NPR3: variants seen among roughly 807,000 people sequenced by gnomAD.
NPR3 encodes atrial natriuretic peptide receptor 3.
In NPR3, 34 loss-of-function variants were observed where a neutral mutation model predicts 54.5. That is an observed-to-expected ratio of 0.62 (90% CI 0.47 to 0.83). The LOEUF is 0.83. Ranked by LOEUF, NPR3 falls within the 40% of genes least tolerant of loss-of-function variation. The pLI is 0.00. For missense variants in NPR3, 674 were observed against 720.8 expected, an observed-to-expected ratio of 0.94 and a Z score of 0.74; for synonymous variants, 289 against 297.1, an observed-to-expected ratio of 0.97 and a Z score of 0.28.
intron 1 of NPR3, among the ~76,000 whole-genome samples, chr5:32,723,581 T>C (rs778002895): frequency 3.9e-5 from 6 of 152,210 alleles, no homozygotes; most frequent in Non-Finnish European, 7.3e-5. Flanking sequence ...TAAGTTTGCT[T>C]TTTCAGGACA....
intron 1 of NPR3, among the ~76,000 whole-genome samples, chr5:32,718,334 G>C (rs1341941864): frequency 6.6e-6 from 1 of 152,072 alleles, no homozygotes; most frequent in African/African-American, 2.4e-5. Flanking sequence ...CTCTTTTTTG[G>C]TTCCATATGA....
chr5:32,743,987 ATTT>A (rs199604802), intron 3 of NPR3, among the ~76,000 whole-genome samples: 7 of 113,826 alleles, frequency 6.1e-5, no homozygotes, highest in African/African-American at 2.1e-4. Flanking sequence ...ATTCTGATGC[ATTT>A]TTTTTTTTTT....
At chr5:32,742,026 G>C (rs1740063257) in intron 3 of NPR3, among the ~76,000 whole-genome samples, 1 of 151,880 alleles carries the variant, frequency 6.6e-6, no homozygotes, top group African/African-American at 2.4e-5. Context: ...GCAGAGACTA[G>C]TCTTTGATCT....
chr5:32,723,090 A>G (rs1202093955), intron 1 of NPR3, among the ~76,000 whole-genome samples: 1 of 152,220 alleles, frequency 6.6e-6, no homozygotes, highest in Non-Finnish European at 1.5e-5. Flanking sequence ...CCGCTTTGGC[A>G]TAGCCTGAAG....
chr5:32,745,163 A>G (rs1456640009), intron 3 of NPR3, among the ~76,000 whole-genome samples: 1 of 152,134 alleles, frequency 6.6e-6, no homozygotes, highest in Non-Finnish European at 1.5e-5. Flanking sequence ...CACAAAGCGA[A>G]GTATTCAGTT....
At chr5:32,783,104 G>T in intron 6 of NPR3, 76 bp downstream of exon 6, 1 of 1,385,118 alleles carries the variant, frequency 7.2e-7, no homozygotes, top group Non-Finnish European at 9.9e-7. Flanking sequence ...AAACCCAAGT[G>T]TTTCTAGGGC....
upstream of NPR3, chr5:32,710,850 C>A: frequency 2.5e-6 from 3 of 1,206,580 alleles, no homozygotes; most frequent in Admixed American, 3.7e-5. Flanking sequence ...TCCCTTTCCC[C>A]CAGTCCTGGT....
chr5:32,727,374 T>G (rs959700117), intron 2 of NPR3, among the ~76,000 whole-genome samples: 2 of 152,218 alleles, frequency 1.3e-5, no homozygotes, highest in Non-Finnish European at 2.9e-5. Flanking sequence ...GTGATCTGCC[T>G]GCCTCAGCCT....
At chr5:32,759,059 G>T (rs1741006591) in intron 3 of NPR3, among the ~76,000 whole-genome samples, 1 of 152,192 alleles carries the variant, frequency 6.6e-6, no homozygotes, top group African/African-American at 2.4e-5. Flanking sequence ...GTGGTGTGGT[G>T]CTGAGAAGAA....
chr5:32,709,772 C>T (rs1438684380), upstream of NPR3: 2 of 152,102 alleles, frequency 1.3e-5, no homozygotes, highest in African/African-American at 4.8e-5. Flanking sequence ...CAGAAGTTGC[C>T]ATATCCCCAG....
chr5:32,719,924 A>AT (rs1738765500), intron 1 of NPR3, among the ~76,000 whole-genome samples: 2 of 152,014 alleles, frequency 1.3e-5, no homozygotes, highest in Non-Finnish European at 2.9e-5. Flanking sequence ...CCATGCAGTG[A>AT]TATCCCTCTT....
chr5:32,724,753 C>T lies in NPR3; in HGVS notation c.825C>T (p.His275=). The T allele has an allele frequency of 6.2e-7, 1 of 1,613,904 alleles. No homozygotes were observed. The highest frequency in any genetic ancestry group is 1.7e-4 in the Middle Eastern group (1 of 6,060). The change falls in exon 2 of 8, where the codon CAC becomes CAT. Residue 275 remains histidine, a synonymous_variant. Transcript: ENST00000265074. ...DTIRSIMLVA[H]RHGMTSGDYA... is the part of the protein sequence containing the mutation. ...TCCGGAGCATCATGCTGGTGGCGCACAGGCATGGCATGACCAGTGGAGACT... is the reference window on the plus strand; with the variant it reads ...TCCGGAGCATCATGCTGGTGGCGCATAGGCATGGCATGACCAGTGGAGACT...
intron 3 of NPR3, among the ~76,000 whole-genome samples, chr5:32,769,472 T>A (rs1009941022): frequency 6.6e-6 from 1 of 152,282 alleles, no homozygotes; most frequent in East Asian, 1.9e-4. Context: ...ATCTCTTCTC[T>A]TACCTACTTT....
chr5:32,710,739 C>A, upstream of NPR3: 7 of 1,547,816 alleles, frequency 4.5e-6, no homozygotes, highest in Non-Finnish European at 6.1e-6. Context: ...CAGGTGCTCG[C>A]CCCGCGTCGG....
Position 32,751,321 on chromosome 5 carries a change from G to A in NPR3, c.1059+12291G>A, listed in dbSNP as rs575687813. Among the ~76,000 whole-genome samples the A allele has an allele frequency of 9.2e-5, 14 of 152,288 alleles. No individual in the cohort carries two copies. The South Asian group carries it at 2.9e-3, about 32-fold the overall frequency. ...AGGATATAAACTTGTTGAAAGGGCC[G>A]CAGTTACCTTCCATTGTACCCTTAG... On this transcript the variant is annotated intron_variant, in intron 3 of 7. Transcript: ENST00000265074.
At position 32,711,842 on chromosome 5, in the gene NPR3, C is replaced by T; in HGVS notation, c.66C>T (p.Gly22=). The T allele has an allele frequency of 6.8e-7, 1 of 1,460,562 alleles. No homozygotes were observed. The highest frequency in any genetic ancestry group is 1.5e-5 in the South Asian group (1 of 67,978). 90.5% of individuals were successfully genotyped at this position (1,460,562 alleles called of 1,614,324 possible). The change falls in exon 1 of 8, where the codon GGC becomes GGT. Residue 22 remains glycine, a synonymous_variant. Coordinates refer to ENST00000265074, the MANE Select transcript of NPR3 (RefSeq NM_001204375.2). ...CVLLGWALLA[G]GTGGGGVGGG... is the part of the protein sequence containing the mutation. ...TACTCGGCTGGGCGTTGCTGGCCGG[C>T]GGCACCGGTGGCGGTGGCGTTGGCG...
At chr5:32,762,017 C>G (rs760712136) in intron 3 of NPR3, among the ~76,000 whole-genome samples, 1 of 152,130 alleles carries the variant, frequency 6.6e-6, no homozygotes, top group Non-Finnish European at 1.5e-5. Flanking sequence ...TCTTCAACTC[C>G]CACTTATGAG....
upstream of NPR3, chr5:32,709,955 A>G (rs576217051): frequency 8.5e-5 from 13 of 152,360 alleles, no homozygotes; most frequent in African/African-American, 3.1e-4. Flanking sequence ...ACGGACGCCT[A>G]GTCAAATGAA....
chr5:32,704,461 G>GC (rs928917865), upstream of NPR3, among the ~76,000 whole-genome samples: 1 of 151,554 alleles, frequency 6.6e-6, no homozygotes, highest in African/African-American at 2.4e-5. Flanking sequence ...CTTCTATTTA[G>GC]CCAGCTTGCT....
Sources: allele counts gnomAD v4.1 joint callset (sites outside exome capture counted in the v4.1 genomes callset), GRCh38; gene constraint gnomAD v4.1.1; transcripts MANE v1.5; gene names NCBI Gene and HGNC (gene_info 2026-07-23, HGNC 2026-07-21).